The following KCNIP4 variants were observed in gnomAD, a reference collection of about 807,000 sequenced individuals.
KCNIP4 encodes Kv channel-interacting protein 4.
Under a neutral mutation model 34.0 loss-of-function variants are expected in KCNIP4, and 12 were observed. The ratio of observed to expected loss-of-function variants is 0.35; its 90% CI spans 0.23 to 0.57. KCNIP4 has a LOEUF of 0.57. KCNIP4 is among the 20% of genes least tolerant of loss of function. The probability of loss-of-function intolerance (pLI) is 0.83; values close to 1 mark genes in which losing one functional copy is unlikely to be tolerated. For missense variants in KCNIP4, 238 were observed against 311.7 expected (o/e 0.76, Z 1.78); for synonymous variants, 124 against 102.2 (o/e 1.21, Z -1.29).
At chr4:21,929,239 A>T (rs554712350) in intron 1 of KCNIP4, among the ~76,000 whole-genome samples, 17 of 152,264 alleles carry the variant, frequency 1.1e-4, no homozygotes, top group African/African-American at 4.1e-4. Context: ...TTGTAACTGC[A>T]GAGGAGAGGC....
chr4:20,905,509 CTTTTTTTT>C (rs10686415), intron 1 of KCNIP4, among the ~76,000 whole-genome samples: 2 of 72,800 alleles, frequency 2.7e-5, no homozygotes, highest in Non-Finnish European at 2.7e-5. Flanking sequence ...CGTTTTCTTT[CTTTTTTTT>C]TTTTTTTTGT....
chr4:21,519,796 T>TACACACGTGTGTGTATGTGTGTGTATAC (rs544083218), intron 1 of KCNIP4, among the ~76,000 whole-genome samples: 1 of 131,260 alleles, frequency 7.6e-6, no homozygotes, highest in African/African-American at 2.9e-5. Flanking sequence ...TGTGTGTGTA[T>TACACACGTGTGTGTATGTGTGTGTATAC]ACACGTGTGT....
At chr4:21,291,880 AAAGAAAGAAAGAAAG>A (rs1439177074) in intron 1 of KCNIP4, among the ~76,000 whole-genome samples, 44 of 26,124 alleles carry the variant, frequency 1.7e-3, no homozygotes, top group Non-Finnish European at 3.0e-3. Context: ...AGAAAGAAAG[AAAGAAAGAAAGAAAG>A]AAAGAAAGAA....
intron 1 of KCNIP4, among the ~76,000 whole-genome samples, chr4:21,650,043 A>T (rs189293601): frequency 5.8e-4 from 88 of 152,304 alleles, no homozygotes; most frequent in Admixed American, 1.4e-3. Flanking sequence ...CTATGTTTTA[A>T]CCCCAAACTC....
chr4:21,669,623 G>A (rs1392618763), intron 1 of KCNIP4, among the ~76,000 whole-genome samples: 1 of 137,952 alleles, frequency 7.2e-6, no homozygotes, highest in African/African-American at 2.8e-5. Flanking sequence ...TTGTTTAGGA[G>A]TCAACTGTCT....
At chr4:20,763,794 C>T (rs775838138) in intron 3 of KCNIP4, among the ~76,000 whole-genome samples, 5 of 152,150 alleles carry the variant, frequency 3.3e-5, no homozygotes, top group African/African-American at 1.2e-4. Flanking sequence ...TTCCCTGCCA[C>T]AAGCAATCCT....
intron 1 of KCNIP4, among the ~76,000 whole-genome samples, chr4:21,854,945 G>T (rs917980603): frequency 6.6e-6 from 1 of 152,158 alleles, no homozygotes; most frequent in Admixed American, 6.5e-5. Flanking sequence ...GCCTTTTCTT[G>T]TATCTGACAG....
chr4:20,919,453 C>T (rs1036953007), intron 1 of KCNIP4, among the ~76,000 whole-genome samples: 1 of 151,648 alleles, frequency 6.6e-6, no homozygotes, highest in African/African-American at 2.4e-5. Context: ...CCTGTAATCC[C>T]AGCACTTCGG....
intron 1 of KCNIP4, among the ~76,000 whole-genome samples, chr4:21,922,888 CAGA>C (rs1373853173): frequency 6.6e-6 from 1 of 152,170 alleles, no homozygotes; most frequent in Non-Finnish European, 1.5e-5. Context: ...ATCACAATTA[CAGA>C]AGGAGAGATT....
At position 21,220,549 on chromosome 4, in the gene KCNIP4, A is replaced by G. The variant is rs1347925205; in HGVS notation, c.62-337840T>C. Reference sequence around the variant, plus strand: ...GTTGTGCAAATGTACCCTAAAACTTAAAGTATAATAATAAATAATAATAAT... The same window carrying G: ...GTTGTGCAAATGTACCCTAAAACTTGAAGTATAATAATAAATAATAATAAT... On this transcript the variant is annotated intron_variant, in intron 1 of 8. Coordinates refer to ENST00000382152, the MANE Select transcript of KCNIP4 (RefSeq NM_025221.6). Among the ~76,000 whole-genome samples, 3 of 152,082 alleles carry G rather than the reference A, an allele frequency of 2.0e-5. No individual in the cohort carries two copies. The East Asian group carries it at 5.8e-4, about 29-fold the overall frequency.
rs1577855021 is a variant in KCNIP4, at chr4:21,187,698, G to C, written c.62-304989C>G. On this transcript the variant is annotated intron_variant, in intron 1 of 8. Coordinates refer to ENST00000382152, the MANE Select transcript of KCNIP4 (RefSeq NM_025221.6). ...TTAGATTCTCCTTACTAATTCTTCA[G>C]AATCCTCATTTTTTTTTTCTGCAGG... 3.3e-5 allele frequency among the ~76,000 whole-genome samples: 5 copies of C among 149,492 alleles called. No individual in the cohort carries two copies. In the East Asian group the frequency reaches 9.7e-4, roughly 29 times the overall value.
At chr4:20,746,115 T>G (rs1022139969) in intron 5 of KCNIP4, among the ~76,000 whole-genome samples, 1 of 152,116 alleles carries the variant, frequency 6.6e-6, no homozygotes, top group African/African-American at 2.4e-5. Flanking sequence ...TAGCAAAGAC[T>G]TGGAACCAAC....
At chr4:21,412,727 C>T (rs959307382) in intron 1 of KCNIP4, among the ~76,000 whole-genome samples, 2 of 152,096 alleles carry the variant, frequency 1.3e-5, no homozygotes, top group Non-Finnish European at 2.9e-5. Context: ...GAAACTCCAC[C>T]AGCTTTCTTG....
chr4:21,585,809 C>A (rs1741568320), intron 1 of KCNIP4, among the ~76,000 whole-genome samples: 1 of 151,936 alleles, frequency 6.6e-6, no homozygotes, highest in Admixed American at 6.6e-5. Context: ...GAAAACAAAA[C>A]CTTGAGATAA....
chr4:21,117,002 T>A, intron 1 of KCNIP4, among the ~76,000 whole-genome samples: 1 of 152,334 alleles, frequency 6.6e-6, no homozygotes, highest in South Asian at 2.1e-4. Context: ...ACCATCATCT[T>A]ACTATGTGTT....
rs182377339 is a variant in KCNIP4, at chr4:21,774,351, C to T, written c.61+174220G>A. Among the ~76,000 whole-genome samples the T allele has an allele frequency of 8.8e-3, 1,335 of 152,234 alleles. 19 individuals carry two copies. Among genetic ancestry groups the T allele is most frequent in the South Asian group, 0.039 (186 of 4,816 alleles). Reference sequence around the variant, plus strand: ...CCTTTGGAGGTGACTTGGCCTTTCTCTCTGGCTGCCCTTAAAAGTTTTTCC... The same window carrying T: ...CCTTTGGAGGTGACTTGGCCTTTCTTTCTGGCTGCCCTTAAAAGTTTTTCC... On this transcript the variant is annotated intron_variant, in intron 1 of 8. Coordinates refer to ENST00000382152, the MANE Select transcript of KCNIP4 (RefSeq NM_025221.6).
In KCNIP4 at chr4:21,908,461, C is replaced by T. The variant is rs961434450; in HGVS notation, c.61+40110G>A. On this transcript the variant is annotated intron_variant, in intron 1 of 8. Transcript: ENST00000382152. The stretch of plus-strand genomic sequence containing the variant: ...ATGCAACACACTTATCCTTGTAATA[C>T]AGGCAAGCCCATTATTAGGCAATAA... Among the ~76,000 whole-genome samples, 9 of 152,166 alleles carry T rather than the reference C, an allele frequency of 5.9e-5. 1 individual carries two copies. Among genetic ancestry groups the T allele is most frequent in the Non-Finnish European group, 1.0e-4 (7 of 68,034 alleles).
intron 1 of KCNIP4, among the ~76,000 whole-genome samples, chr4:21,255,467 G>T (rs1417411526): frequency 6.6e-6 from 1 of 151,748 alleles, no homozygotes; most frequent in Non-Finnish European, 1.5e-5. Context: ...AAATCCATTT[G>T]TCAATGTTCA....
At chr4:21,189,622 G>A (rs1381332497) in intron 1 of KCNIP4, among the ~76,000 whole-genome samples, 1 of 152,144 alleles carries the variant, frequency 6.6e-6, no homozygotes, top group Non-Finnish European at 1.5e-5. Flanking sequence ...GGGAAGCAAA[G>A]CACATTTGCA....
Sources: allele counts gnomAD v4.1 joint callset (sites outside exome capture counted in the v4.1 genomes callset), GRCh38; gene constraint gnomAD v4.1.1; transcripts MANE v1.5; gene names NCBI Gene and HGNC (gene_info 2026-07-23, HGNC 2026-07-21).